MKLN1: variants seen among roughly 807,000 people sequenced by gnomAD.
MKLN1 encodes muskelin 1, also known as muskelin.
A neutral mutation model predicts 99.0 loss-of-function variants in MKLN1; 18 were observed. That is an observed-to-expected ratio of 0.18 (90% CI 0.13 to 0.27). The LOEUF (loss-of-function observed/expected upper bound fraction) is 0.27, where lower values mean the gene tolerates loss of function less well. MKLN1 is among the 10% of genes least tolerant of loss of function. The pLI, the probability that MKLN1 is intolerant of heterozygous loss-of-function variation, is 1.00. For synonymous variants in MKLN1, 288 were observed against 293.2 expected, an observed-to-expected ratio of 0.98 and a Z score of 0.18; for missense variants, 621 against 875.9, an observed-to-expected ratio of 0.71 and a Z score of 3.67.
chr7:131,431,221 C>CAA (rs11423575), intron 9 of MKLN1, among the ~76,000 whole-genome samples: 1 of 137,002 alleles, frequency 7.3e-6, no homozygotes, highest in African/African-American at 2.7e-5. Flanking sequence ...GACTCTGTCT[C>CAA]AAAAAAAAAC....
chr7:131,396,950 ATTT>A (rs1349966735), intron 4 of MKLN1, among the ~76,000 whole-genome samples: 1 of 152,134 alleles, frequency 6.6e-6, no homozygotes, highest in African/African-American at 2.4e-5. Flanking sequence ...TTCTAAAGTA[ATTT>A]TTTGCTGCTT....
At chr7:131,463,834 T>C (rs539271925) in intron 13 of MKLN1, among the ~76,000 whole-genome samples, 5 of 152,332 alleles carry the variant, frequency 3.3e-5, no homozygotes, top group African/African-American at 1.2e-4. Context: ...TGACATTCTG[T>C]GATTGCTCCA....
At chr7:131,165,107 A>C (rs1796104729) in intron 2 of MKLN1, among the ~76,000 whole-genome samples, 1 of 152,114 alleles carries the variant, frequency 6.6e-6, no homozygotes, top group Non-Finnish European at 1.5e-5. Flanking sequence ...TTCATGAAGA[A>C]AGTGATATTT....
chr7:131,371,765 C>CATATATATATAT (rs149627807), intron 1 of MKLN1, among the ~76,000 whole-genome samples: 39 of 147,718 alleles, frequency 2.6e-4, no homozygotes, highest in African/African-American at 8.9e-4. Flanking sequence ...ACATATATAA[C>CATATATATATAT]ATATATATAT....
chr7:131,302,181 C>T (rs1198958707), intron 3 of MKLN1, among the ~76,000 whole-genome samples: 1 of 152,202 alleles, frequency 6.6e-6, no homozygotes, highest in African/African-American at 2.4e-5. Context: ...TTTCTGAATG[C>T]TCCATGTATA....
intron 3 of MKLN1, among the ~76,000 whole-genome samples, chr7:131,231,906 C>T (rs1224330744): frequency 2.6e-5 from 4 of 152,126 alleles, no homozygotes; most frequent in African/African-American, 9.7e-5. Flanking sequence ...AAAAATAAAA[C>T]GTGTGATTCT....
chr7:131,331,531 T>C (rs909714495), intron 1 of MKLN1, among the ~76,000 whole-genome samples: 9 of 152,172 alleles, frequency 5.9e-5, no homozygotes, highest in African/African-American at 2.2e-4. Context: ...ACACCTGTAA[T>C]CCCTGCACTT....
At chr7:131,174,216 A>C (rs1375265325) in intron 2 of MKLN1, among the ~76,000 whole-genome samples, 2 of 151,834 alleles carry the variant, frequency 1.3e-5, no homozygotes, top group Non-Finnish European at 2.9e-5. Context: ...TCGTGATCTG[A>C]CCGCCTCGGC....
At position 131,443,715 on chromosome 7, in the gene MKLN1, C is replaced by G. The variant is rs765103740; in HGVS notation, c.1395+13C>G. On this transcript the variant is annotated intron_variant, in intron 11 of 17. Coordinates refer to ENST00000352689, the MANE Select transcript of MKLN1 (RefSeq NM_013255.5). ...GTTATTCCACTCAGTAAGAACATTC[C>G]GTACATTGCGTAAATGTTATTTTGT... 5 of 1,514,626 alleles carry G rather than the reference C, an allele frequency of 3.3e-6. No homozygotes were observed. Among genetic ancestry groups the G allele is most frequent in the Non-Finnish European group, 3.7e-6 (4 of 1,089,764 alleles). The allele number at this position is 1,514,626 out of a possible 1,614,324, so 93.8% of individuals were successfully genotyped here. A position where few individuals can be genotyped will look rare whatever the true frequency, so the allele number is the denominator to read the frequency against.
At chr7:131,308,578 G>A (rs1383001640) in intron 3 of MKLN1, among the ~76,000 whole-genome samples, 1 of 130,498 alleles carries the variant, frequency 7.7e-6, no homozygotes, top group South Asian at 2.4e-4. Context: ...GGTTTTTTTT[G>A]TTTTGTTTTT....
At chr7:131,365,529 C>T (rs1269025423) in intron 1 of MKLN1, among the ~76,000 whole-genome samples, 1 of 152,124 alleles carries the variant, frequency 6.6e-6, no homozygotes, top group Non-Finnish European at 1.5e-5. Flanking sequence ...TTCTTACGTC[C>T]AGGGTGGTAT....
chr7:131,126,680 A>C (rs1795466587), intron 1 of MKLN1, among the ~76,000 whole-genome samples: 1 of 152,106 alleles, frequency 6.6e-6, no homozygotes, highest in Non-Finnish European at 1.5e-5. Flanking sequence ...CAGCCTCCCA[A>C]GTAGCTGGAG....
chr7:131,386,046 C>T (rs1486689964), intron 2 of MKLN1, among the ~76,000 whole-genome samples: 2 of 140,580 alleles, frequency 1.4e-5, no homozygotes, highest in African/African-American at 2.6e-5. Flanking sequence ...TAGAGTCTTA[C>T]TCTGTTACTC....
chr7:131,477,455 C>T (rs1345183378), intron 16 of MKLN1, among the ~76,000 whole-genome samples: 1 of 151,598 alleles, frequency 6.6e-6, no homozygotes, highest in Non-Finnish European at 1.5e-5. Context: ...TGCAGTGAGC[C>T]ATGATCACGC....
intron 3 of MKLN1, among the ~76,000 whole-genome samples, chr7:131,306,030 C>T (rs141480513): frequency 1.3e-5 from 2 of 152,292 alleles, no homozygotes; most frequent in East Asian, 1.9e-4. Context: ...ATTCTGTTCA[C>T]ATGATAGTGA....
intron 12 of MKLN1, among the ~76,000 whole-genome samples, chr7:131,447,577 C>T (rs1796051008): frequency 6.6e-6 from 1 of 152,132 alleles, no homozygotes; most frequent in Admixed American, 6.5e-5. Flanking sequence ...AATACTCCTT[C>T]TACAATCCTA....
At chr7:131,125,010 G>A (rs147336776) in intron 1 of MKLN1, among the ~76,000 whole-genome samples, 37 of 152,264 alleles carry the variant, frequency 2.4e-4, no homozygotes, top group African/African-American at 7.9e-4. Context: ...CATAGCCCGT[G>A]CTCTAGGGAG....
intron 16 of MKLN1, among the ~76,000 whole-genome samples, chr7:131,475,867 C>A (rs1461230909): frequency 6.6e-6 from 1 of 152,030 alleles, no homozygotes; most frequent in Non-Finnish European, 1.5e-5. Context: ...CAAAGAAAAT[C>A]ATGGACCAAT....
intron 3 of MKLN1, among the ~76,000 whole-genome samples, chr7:131,237,822 G>A (rs552947414): frequency 2.0e-5 from 3 of 152,146 alleles, no homozygotes; most frequent in Non-Finnish European, 4.4e-5. Flanking sequence ...CAAGGGATTT[G>A]TCATGGAAGG....
Sources: gnomAD v4.1 joint callset for allele counts (sites outside exome capture counted in the v4.1 genomes callset) on GRCh38, gnomAD v4.1.1 for gene constraint, MANE v1.5 for transcripts, NCBI Gene and HGNC (gene_info 2026-07-23, HGNC 2026-07-21) for gene names.